Variants in ANKAR observed in about 807,000 individuals in gnomAD.
ANKAR encodes ankyrin and armadillo repeat containing, also known as ankyrin and armadillo repeat-containing protein.
A neutral mutation model predicts 146.2 loss-of-function variants in ANKAR; 136 were observed. The ratio of observed to expected loss-of-function variants is 0.93; its 90% CI spans 0.81 to 1.07. The LOEUF (loss-of-function observed/expected upper bound fraction) is 1.07, where lower values mean the gene tolerates loss of function less well. Ranked by LOEUF, ANKAR falls within the 50% of genes least tolerant of loss-of-function variation. The pLI, the probability that ANKAR is intolerant of heterozygous loss-of-function variation, is 0.00. For synonymous variants in ANKAR, 500 were observed against 575.8 expected, an observed-to-expected ratio of 0.87 and a Z score of 1.88; for missense variants, 1,567 against 1,679.9, an observed-to-expected ratio of 0.93 and a Z score of 1.18.
At chr2:189,704,988 C>T (rs1474955282) in intron 7 of ANKAR, 35 bp from the exon 8 acceptor site, 1 of 1,592,998 alleles carries the variant, frequency 6.3e-7, no homozygotes, top group Non-Finnish European at 8.6e-7. Flanking sequence ...AATGGTAGTG[C>T]TGTGATCACT....
At chr2:189,738,800 G>A (rs905854078) in intron 19 of ANKAR, 118 bp downstream of exon 19, 28 of 608,192 alleles carry the variant, frequency 4.6e-5, no homozygotes, top group Non-Finnish European at 7.4e-5. Flanking sequence ...TTTAAAGAAC[G>A]AACTTATGTT....
intron 15 of ANKAR, among the ~76,000 whole-genome samples, chr2:189,730,185 C>T (rs916178240): frequency 1.3e-5 from 2 of 152,142 alleles, no homozygotes; most frequent in African/African-American, 2.4e-5. Context: ...TTAAGTACCT[C>T]GCACATAATA....
chr2:189,741,244 G>T (rs1350269352), intron 19 of ANKAR, 98 bp from the exon 20 acceptor site: 5 of 761,162 alleles, frequency 6.6e-6, no homozygotes, highest in Non-Finnish European at 1.0e-5. Context: ...GAGATGTCTT[G>T]TGACACAAAC....
At chr2:189,719,840 T>G (rs1425609147) in intron 11 of ANKAR, 27 bp downstream of exon 11, 1 of 1,526,282 alleles carries the variant, frequency 6.6e-7, no homozygotes, top group South Asian at 1.3e-5. Context: ...TACAATTATT[T>G]TTGACTGACA....
chr2:189,726,399 A>G (rs2041880850), intron 12 of ANKAR, among the ~76,000 whole-genome samples: 1 of 152,056 alleles, frequency 6.6e-6, no homozygotes, highest in Admixed American at 6.6e-5. Context: ...CTCCCACCTT[A>G]GCCTACTGCA....
intron 17 of ANKAR, 89 bp from the exon 18 acceptor site, chr2:189,737,594 A>G (rs930648579): frequency 3.4e-6 from 4 of 1,187,618 alleles, no homozygotes; most frequent in African/African-American, 1.6e-5. Context: ...AGAATGCAAT[A>G]TATTTTAATG....
intron 7 of ANKAR, 39 bp from the exon 8 acceptor site, chr2:189,704,984 A>T (rs1472296553): frequency 1.3e-6 from 2 of 1,579,632 alleles, no homozygotes; most frequent in African/African-American, 2.7e-5. Context: ...TAGGAATGGT[A>T]GTGCTGTGAT....
intron 17 of ANKAR, among the ~76,000 whole-genome samples, chr2:189,735,638 G>A (rs2042775217): frequency 6.6e-6 from 1 of 152,194 alleles, no homozygotes; most frequent in African/African-American, 2.4e-5. Flanking sequence ...TAAAAATTAA[G>A]TCAGGAACCC....
Position 189,696,251 on chromosome 2 carries a change from T to G in ANKAR, c.1590T>G (p.Asp530Glu). The G allele has an allele frequency of 6.2e-7, 1 of 1,614,156 alleles. No individual in the cohort carries two copies. The highest frequency in any genetic ancestry group is 2.2e-5 in the East Asian group (1 of 44,880). The part of the protein sequence containing the change: ...KTSSSTINVS[D>E]EAGYTIFHHA... ...CAAGCTCAACAATCAATGTTTCAGATGAAGCAGGTTATACTATTTTTCATC... is the reference window on the plus strand; with the variant it reads ...CAAGCTCAACAATCAATGTTTCAGAGGAAGCAGGTTATACTATTTTTCATC... The change falls in exon 7 of 23, where the codon GAT (aspartate) becomes GAG (glutamate). Residue 530 changes from aspartate to glutamate, a missense_variant. By Grantham distance (45) the Asp-to-Glu change is conservative. Transcript: ENST00000684021.
At chr2:189,694,421 A>C (rs867599384) in intron 5 of ANKAR, among the ~76,000 whole-genome samples, 7 of 152,244 alleles carry the variant, frequency 4.6e-5, no homozygotes, top group Admixed American at 6.5e-5. Flanking sequence ...ACCTGTGATG[A>C]TAAGCAAACC....
Position 189,733,165 on chromosome 2 carries a change from A to T in ANKAR, c.3359A>T (p.Asp1120Val). 6.2e-7 allele frequency: 1 copy of T among 1,612,858 alleles called. No homozygotes were observed. The highest frequency in any genetic ancestry group is 1.1e-5 in the South Asian group (1 of 90,886). ...IVLGNDVLQKDLHENEGFEYA... is the reference protein window; with the variant it reads ...IVLGNDVLQKVLHENEGFEYA... Reference sequence around the variant, plus strand: ...CTAGGGAATGATGTGTTACAGAAAGACTTACATGAAAATGAAGGATTTGAA... The same window carrying T: ...CTAGGGAATGATGTGTTACAGAAAGTCTTACATGAAAATGAAGGATTTGAA... Residue 1120 changes from aspartate (D) to valine (V), a missense_variant, in exon 17 of 23, where the codon GAC (aspartate) becomes GTC (valine). Asp to Val is a radical substitution (Grantham distance 152). Transcript: ENST00000684021.
intron 4 of ANKAR, chr2:189,692,803 G>C (rs940184824): frequency 1.9e-5 from 5 of 257,036 alleles, no homozygotes; most frequent in African/African-American, 1.1e-4. Flanking sequence ...TAAAATTTTG[G>C]AACAGTAATT....
intron 9 of ANKAR, among the ~76,000 whole-genome samples, 187 bp from the exon 10 acceptor site, chr2:189,710,862 G>T (rs574369405): frequency 6.6e-6 from 1 of 152,106 alleles, no homozygotes; most frequent in African/African-American, 2.4e-5. Context: ...CAAAGATCAC[G>T]GGCTGATGGA....
At chr2:189,745,986 CTGA>C (rs527410698) in intron 22 of ANKAR, among the ~76,000 whole-genome samples, 153 of 152,252 alleles carry the variant, frequency 1.0e-3, no homozygotes, top group African/African-American at 3.6e-3. Flanking sequence ...CAGTCATGAT[CTGA>C]TGAAGTTTTC....
chr2:189,689,471 C>A, intron 2 of ANKAR, 56 bp from the exon 3 acceptor site: 1 of 1,381,588 alleles, frequency 7.2e-7, no homozygotes, highest in Non-Finnish European at 9.8e-7. Context: ...CTGTATTTAT[C>A]CAGAAGCCAA....
chr2:189,752,602 T>C (rs1367502743), intron 18 of ANKAR: 1 of 1,584,006 alleles, frequency 6.3e-7, no homozygotes, highest in Non-Finnish European at 8.6e-7. Context: ...AAATCCAGGC[T>C]TTGTCTTAAG....
intron 20 of ANKAR, 21 bp from the exon 21 acceptor site, chr2:189,743,254 A>C (rs1174428211): frequency 3.7e-6 from 6 of 1,606,730 alleles, no homozygotes; most frequent in Non-Finnish European, 5.1e-6. Context: ...CTGGTTAAGA[A>C]AGAATTGTTT....
downstream of ANKAR, among the ~76,000 whole-genome samples, chr2:189,749,574 T>C (rs2044779793): frequency 6.6e-6 from 1 of 152,134 alleles, no homozygotes; most frequent in African/African-American, 2.4e-5. Context: ...ACTCCCTCAT[T>C]TATTTCCATC....
intron 6 of ANKAR, among the ~76,000 whole-genome samples, chr2:189,695,714 C>CAAATTAAAACCTCAA (rs2037102329): frequency 6.6e-6 from 1 of 152,190 alleles, no homozygotes; most frequent in East Asian, 1.9e-4. Flanking sequence ...TTCACGTCCA[C>CAAATTAAAACCTCAA]AAATTAAAAC....
Sources: allele counts gnomAD v4.1 joint callset (sites outside exome capture counted in the v4.1 genomes callset), GRCh38; gene constraint gnomAD v4.1.1; transcripts MANE v1.5; gene names NCBI Gene and HGNC (gene_info 2026-07-23, HGNC 2026-07-21).